The following ASCC3 variants were observed in gnomAD, a reference collection of about 807,000 sequenced individuals.
ASCC3 encodes activating signal cointegrator 1 complex subunit 3.
In ASCC3, 158 loss-of-function variants were observed where a neutral mutation model predicts 256.3. The ratio of observed to expected loss-of-function variants is 0.62; its 90% CI spans 0.54 to 0.70. The LOEUF is 0.70. Ranked by LOEUF, ASCC3 falls within the 30% of genes least tolerant of loss-of-function variation. The pLI, the probability that ASCC3 is intolerant of heterozygous loss-of-function variation, is 0.00. For missense variants in ASCC3, 2,259 were observed against 2,626.0 expected (o/e 0.86, Z 3.05); for synonymous variants, 948 against 883.4 (o/e 1.07, Z -1.30).
At position 100,631,166 on chromosome 6, in the gene ASCC3, A is replaced by T. The variant is rs748720326; in HGVS notation, c.4170T>A (p.Asp1390Glu). The change falls in exon 26 of 42, where the codon GAT becomes GAA. Residue 1390 changes from aspartate (D) to glutamate (E), a missense_variant. Transcript: ENST00000369162. ...TTTCTTCTATTCTAACTTTCCAATC[A>T]TCCATTCTTTCACGTACTAGGGCTT... ...PLKALVRERM[D>E]DWKVRIEEKL... is the part of the protein sequence containing the mutation. The T allele has an allele frequency of 1.2e-6, 2 of 1,612,534 alleles. No homozygotes were observed. The highest frequency in any genetic ancestry group is 3.3e-5 in the Admixed American group (2 of 59,964).
In ASCC3 at chr6:100,834,716, T is replaced by G. The variant is rs1562331455; in HGVS notation, c.801+13432A>C. ...AACTTTATAGCAAAAAGCTAAGTAC[T>G]CAGAAGAAATGGCTAATTTCAAAAA... On this transcript the variant is annotated intron_variant, in intron 4 of 41. Coordinates refer to ENST00000369162, the MANE Select transcript of ASCC3 (RefSeq NM_006828.4). Among the ~76,000 whole-genome samples the G allele has an allele frequency of 5.9e-5, 9 of 152,198 alleles. No individual in the cohort carries two copies. In the South Asian group the frequency reaches 1.9e-3, roughly 32 times the overall value.
At chr6:100,583,618 G>T (rs1771450365) in intron 36 of ASCC3, among the ~76,000 whole-genome samples, 1 of 151,944 alleles carries the variant, frequency 6.6e-6, no homozygotes, top group East Asian at 1.9e-4. Context: ...GTTATTTCTT[G>T]CCTTCTGCAA....
chr6:100,509,569 C>T, intron 41 of ASCC3, 36 bp from the exon 42 acceptor site: 2 of 1,561,494 alleles, frequency 1.3e-6, no homozygotes, highest in Non-Finnish European at 1.8e-6. Context: ...TGTAAAACCA[C>T]TTTTGTAATC....
At chr6:100,791,975 T>C (rs1046928940) in intron 8 of ASCC3, among the ~76,000 whole-genome samples, 1 of 151,854 alleles carries the variant, frequency 6.6e-6, no homozygotes, top group Non-Finnish European at 1.5e-5. Flanking sequence ...CATTAACAAG[T>C]TGGGTTCTGA....
chr6:100,730,130 C>A (rs935548450), intron 10 of ASCC3, among the ~76,000 whole-genome samples: 66 of 151,684 alleles, frequency 4.4e-4, no homozygotes, highest in African/African-American at 1.5e-3. Context: ...TACGGTGAGA[C>A]CTCGCCTCCA....
chr6:100,784,869 AAAC>A (rs1236529058), intron 8 of ASCC3, among the ~76,000 whole-genome samples: 5 of 152,172 alleles, frequency 3.3e-5, no homozygotes, highest in Admixed American at 1.3e-4. Flanking sequence ...TCATGTATTA[AAAC>A]AACAATATTT....
intron 37 of ASCC3, among the ~76,000 whole-genome samples, chr6:100,534,060 T>A (rs1464223242): frequency 1.3e-5 from 2 of 151,976 alleles, no homozygotes; most frequent in African/African-American, 4.8e-5. Flanking sequence ...CTGGACAACA[T>A]GGTGAAACTC....
intron 13 of ASCC3, among the ~76,000 whole-genome samples, chr6:100,680,412 G>C (rs1192750475): frequency 1.3e-5 from 2 of 152,100 alleles, no homozygotes; most frequent in African/African-American, 4.8e-5. Context: ...AGAGAATAAG[G>C]GAGTGTTTAG....
chr6:100,851,135 T>C (rs1030022583), intron 3 of ASCC3, among the ~76,000 whole-genome samples: 1 of 152,094 alleles, frequency 6.6e-6, no homozygotes, highest in African/African-American at 2.4e-5. Context: ...ATTTGAGTAA[T>C]TAGGGAAAGA....
At chr6:100,718,768 A>G (rs1018848732) in intron 11 of ASCC3, among the ~76,000 whole-genome samples, 5 of 152,074 alleles carry the variant, frequency 3.3e-5, no homozygotes, top group Admixed American at 2.0e-4. Flanking sequence ...AAATAAAAAT[A>G]AAAATGTGAA....
chr6:100,593,482 T>C (rs1772111058), intron 34 of ASCC3, among the ~76,000 whole-genome samples: 1 of 152,176 alleles, frequency 6.6e-6, no homozygotes, highest in Non-Finnish European at 1.5e-5. Flanking sequence ...TTTCAAATCT[T>C]AATACTGATG....
chr6:100,769,319 T>C (rs1333840095), intron 8 of ASCC3, among the ~76,000 whole-genome samples: 2 of 151,932 alleles, frequency 1.3e-5, no homozygotes, highest in African/African-American at 4.8e-5. Context: ...CAGAAGACTA[T>C]AACAAATAAT....
chr6:100,704,776 C>A (rs573445911), intron 13 of ASCC3, among the ~76,000 whole-genome samples: 1 of 152,030 alleles, frequency 6.6e-6, no homozygotes, highest in African/African-American at 2.4e-5. Context: ...CCTTTTATTC[C>A]TTAAAACTGA....
chr6:100,627,930 G>T lies in ASCC3; in HGVS notation c.4433C>A (p.Ser1478Ter), dbSNP rs1386715742. 6.2e-7 allele frequency: 1 copy of T among 1,613,468 alleles called. No individual in the cohort carries two copies. The highest frequency in any genetic ancestry group is 1.3e-5 in the African/African-American group (1 of 74,852). Residue 1478 changes from serine (S) to a stop codon, truncating the protein, a stop_gained, in exon 28 of 42, where the codon TCA becomes TAA. Coordinates refer to ENST00000369162, the MANE Select transcript of ASCC3 (RefSeq NM_006828.4). LOFTEE classifies it high-confidence loss of function. ...TATTCTAACAGGCTTTTCTGTGTGT[G>T]ATGAGATAAAATTTGTTCGAGATAC... Reference protein sequence around the residue: ...VIVSRTNFISSHTEKPVRIVG... With the variant: ...VIVSRTNFIS
intron 11 of ASCC3, among the ~76,000 whole-genome samples, chr6:100,719,779 G>A (rs1260126684): frequency 6.6e-6 from 1 of 151,802 alleles, no homozygotes; most frequent in East Asian, 1.9e-4. Flanking sequence ...CATTAGCTCG[G>A]ATTAGACAGT....
At chr6:100,592,140 CAAA>C (rs1201793563) in intron 34 of ASCC3, among the ~76,000 whole-genome samples, 186 of 115,936 alleles carry the variant, frequency 1.6e-3, no homozygotes, top group African/African-American at 5.4e-3. Context: ...AGTAAGTCAC[CAAA>C]AAAAAAAAAA....
intron 13 of ASCC3, 89 bp from the exon 14 acceptor site, chr6:100,679,841 T>C (rs891386914): frequency 2.9e-6 from 4 of 1,390,588 alleles, no homozygotes; most frequent in Non-Finnish European, 4.0e-6. Context: ...TATAAACAAC[T>C]ATTAATTTCT....
intron 36 of ASCC3, among the ~76,000 whole-genome samples, chr6:100,561,620 C>T (rs1271911397): frequency 1.3e-5 from 2 of 152,034 alleles, no homozygotes; most frequent in Admixed American, 1.3e-4. Context: ...TCTCTCATTC[C>T]TTCCTTCTTC....
intron 37 of ASCC3, chr6:100,530,737 T>A: frequency 1.0e-6 from 1 of 955,596 alleles, no homozygotes; most frequent in East Asian, 2.4e-5. Context: ...CCAGGACAAT[T>A]TAAGGATTTT....
Sources: allele counts gnomAD v4.1 joint callset (sites outside exome capture counted in the v4.1 genomes callset), GRCh38; gene constraint gnomAD v4.1.1; transcripts MANE v1.5; gene names NCBI Gene and HGNC (gene_info 2026-07-23, HGNC 2026-07-21).